The following PINK1 variants were observed in gnomAD, a reference collection of about 807,000 sequenced individuals.
PINK1 encodes PTEN induced kinase 1, also known as serine/threonine-protein kinase PINK1, mitochondrial.
A neutral mutation model predicts 56.0 loss-of-function variants in PINK1; 58 were observed. That is an observed-to-expected ratio of 1.04 (90% CI 0.84 to 1.29). The LOEUF (loss-of-function observed/expected upper bound fraction) is 1.29, where lower values mean the gene tolerates loss of function less well. PINK1 is among the 50% of genes most tolerant of loss of function. PINK1 has a pLI of 0.00. For synonymous variants in PINK1, 354 were observed against 339.3 expected, an observed-to-expected ratio of 1.04 and a Z score of -0.48; for missense variants, 745 against 777.9, an observed-to-expected ratio of 0.96 and a Z score of 0.50.
intron 3 of PINK1, among the ~76,000 whole-genome samples, chr1:20,643,730 G>A (rs752850701): frequency 1.3e-5 from 2 of 152,162 alleles, no homozygotes; most frequent in Admixed American, 6.5e-5. Flanking sequence ...TGCTAGACAC[G>A]ATTCTAGGTG....
In PINK1 at chr1:20,641,800, G is replaced by A. The variant is rs187928306; in HGVS notation, c.776+1808G>A. ...ACGCTGGCTTCATAGCTCCTTCCCC[G>A]AATGTGCCAGGCTTCTCTGTGACCA... On this transcript the variant is annotated intron_variant, in intron 3 of 7. Transcript: ENST00000321556. The surrounding 1 kb of genome is among the most constrained non-coding windows in gnomAD (Gnocchi z 4.0). Among the ~76,000 whole-genome samples, 7 of 152,148 alleles carry A rather than the reference G, an allele frequency of 4.6e-5. No individual in the cohort carries two copies. The highest frequency in any genetic ancestry group is 1.7e-4 in the African/African-American group (7 of 41,496).
At position 20,647,852 on chromosome 1, in the gene PINK1, C is replaced by T. The variant is rs573837039; in HGVS notation, c.1124-653C>T. On this transcript the variant is annotated intron_variant, in intron 5 of 7. Coordinates refer to ENST00000321556, the MANE Select transcript of PINK1 (RefSeq NM_032409.3). ...TTTTATTTTTTCTGAGACAGAGTCT[C>T]GCTGTGTTGCTCAGGCTGAAGTGAT... Among the ~76,000 whole-genome samples, 25 of 152,168 alleles carry T rather than the reference C, an allele frequency of 1.6e-4. 1 individual carries two copies. The South Asian group carries it at 4.8e-3, about 29-fold the overall frequency.
chr1:20,633,781 C>A lies in PINK1; in HGVS notation c.233C>A (p.Ala78Glu). Residue 78 changes from alanine to glutamate, a missense_variant, in exon 1 of 8, where the codon GCG (alanine) becomes GAG (glutamate). Physicochemically the swap from Ala to Glu is moderately radical, Grantham distance 107 (BLOSUM62 -1). Transcript: ENST00000321556. ...RFFRQSVAGL[A>E]ARLQRQFVVR... Reference sequence around the variant, plus strand: ...TTCCGCCAGTCGGTGGCCGGGCTGGCGGCGCGGTTGCAGCGGCAGTTCGTG... The same window carrying A: ...TTCCGCCAGTCGGTGGCCGGGCTGGAGGCGCGGTTGCAGCGGCAGTTCGTG... The A allele has an allele frequency of 6.4e-7, 1 of 1,568,176 alleles. No individual in the cohort carries two copies. Among genetic ancestry groups the A allele is most frequent in the Non-Finnish European group, 8.6e-7 (1 of 1,162,768 alleles).
At chr1:20,646,667 A>T (rs1473166828) in intron 5 of PINK1, among the ~76,000 whole-genome samples, 1 of 116,094 alleles carries the variant, frequency 8.6e-6, no homozygotes, top group African/African-American at 3.1e-5. Flanking sequence ...AATTAATTAA[A>T]TTTTTCAAAC....
At position 20,649,014 on chromosome 1, in the gene PINK1, G is replaced by A. The variant is rs772774256; in HGVS notation, c.1271G>A (p.Gly424Asp). 1.9e-6 allele frequency: 3 copies of A among 1,613,396 alleles called. No individual in the cohort carries two copies. Among genetic ancestry groups the A allele is most frequent in the Admixed American group, 3.3e-5 (2 of 60,012 alleles). The change falls in exon 7 of 8, where the codon GGC becomes GAC. Residue 424 changes from glycine to aspartate, a missense_variant. By Grantham distance (94) the Gly-to-Asp change is moderately conservative. Coordinates refer to ENST00000321556, the MANE Select transcript of PINK1 (RefSeq NM_032409.3). ...GAGCAGGTGTCCACGGCCCGTCCTG[G>A]CCCCAGGGCAGTGATTGACTACAGC... ...MAPEVSTARPGPRAVIDYSKA... is the reference protein window; with the variant it reads ...MAPEVSTARPDPRAVIDYSKA...
chr1:20,647,646 T>C (rs2053201644), intron 5 of PINK1, among the ~76,000 whole-genome samples: 1 of 151,510 alleles, frequency 6.6e-6, no homozygotes, highest in Admixed American at 6.6e-5. Context: ...GATTTTTGTA[T>C]TTTTAGTAGA....
At chr1:20,647,251 G>T (rs2053195253) in intron 5 of PINK1, among the ~76,000 whole-genome samples, 1 of 151,502 alleles carries the variant, frequency 6.6e-6, no homozygotes, top group African/African-American at 2.4e-5. Context: ...TACAGACGGG[G>T]TTTCACCATG....
rs1194847916 is a variant in PINK1 at position 20,650,816 on chromosome 1, A to G, written c.*125A>G. On this transcript the variant is annotated 3_prime_UTR_variant, in exon 8 of 8. Coordinates refer to ENST00000321556, the MANE Select transcript of PINK1 (RefSeq NM_032409.3). The stretch of plus-strand genomic sequence containing the variant: ...CGCAGAGAGGGCTGGTTAGCCGGAA[A>G]AGGCCTCGGGCTTGGCAAATGGAAG... 8 of 1,318,206 alleles carry G rather than the reference A, an allele frequency of 6.1e-6. No homozygotes were observed. The highest frequency in any genetic ancestry group is 2.5e-5 in the East Asian group (1 of 39,846). The allele number at this position is 1,318,206 out of a possible 1,614,324, so 81.7% of individuals were successfully genotyped here.
rs1449858096 is a variant in PINK1, at chr1:20,649,079, A to T, written c.1336A>T (p.Ile446Phe). 1 of 1,614,098 alleles carries T rather than the reference A, an allele frequency of 6.2e-7. No individual in the cohort carries two copies. Among genetic ancestry groups the T allele is most frequent in the Non-Finnish European group, 8.5e-7 (1 of 1,180,038 alleles). Residue 446 changes from isoleucine (I) to phenylalanine (F), a missense_variant, in exon 7 of 8, where the codon ATC becomes TTC. Transcript: ENST00000321556. ...AWAVGAIAYEIFGLVNPFYGQ... is the reference protein window; with the variant it reads ...AWAVGAIAYEFFGLVNPFYGQ... Reference sequence around the variant, plus strand: ...GGCAGTGGGAGCCATCGCCTATGAAATCTTCGGGCTTGTCAATCCCTTCTA... The same window carrying T: ...GGCAGTGGGAGCCATCGCCTATGAATTCTTCGGGCTTGTCAATCCCTTCTA...
Position 20,633,784 on chromosome 1 carries a change from C to A in PINK1, c.236C>A (p.Ala79Glu). The change falls in exon 1 of 8, where the codon GCG (alanine) becomes GAG (glutamate). Residue 79 changes from alanine to glutamate, a missense_variant. Ala to Glu is a moderately radical substitution (Grantham distance 107). Transcript: ENST00000321556. ...CGCCAGTCGGTGGCCGGGCTGGCGG[C>A]GCGGTTGCAGCGGCAGTTCGTGGTG... is the stretch of plus-strand genomic sequence containing the variant. ...FFRQSVAGLA[A>E]RLQRQFVVRA... 2 of 1,570,136 alleles carry A rather than the reference C, an allele frequency of 1.3e-6. No individual in the cohort carries two copies. Among genetic ancestry groups the A allele is most frequent in the South Asian group, 2.3e-5 (2 of 86,624 alleles).
chr1:20,645,150 G>C (rs2053162391), intron 4 of PINK1, among the ~76,000 whole-genome samples: 1 of 152,156 alleles, frequency 6.6e-6, no homozygotes, highest in South Asian at 2.1e-4. Flanking sequence ...GAATCAAAGT[G>C]CTCCTGGAAG....
In PINK1 at chr1:20,641,381, G is replaced by A. The variant is rs1312676407; in HGVS notation, c.776+1389G>A. On this transcript the variant is annotated intron_variant, in intron 3 of 7. Transcript: ENST00000321556. This position sits in a 1 kb window ranked among gnomAD's most constrained non-coding sequence, Gnocchi z 4.0. Reference sequence around the variant, plus strand: ...GCCGACGTGGTGCTGTCCTGCTGCCGGAGCACCATGATGTCTGCTGCTGAG... The same window carrying A: ...GCCGACGTGGTGCTGTCCTGCTGCCAGAGCACCATGATGTCTGCTGCTGAG... 2.0e-5 allele frequency among the ~76,000 whole-genome samples: 3 copies of A among 152,056 alleles called. No individual in the cohort carries two copies. Among genetic ancestry groups the A allele is most frequent in the African/African-American group, 7.3e-5 (3 of 41,372 alleles).
rs556540177 is a variant in PINK1, at chr1:20,648,601, G to A, written c.1220G>A (p.Arg407Gln). 44 of 1,614,052 alleles carry A rather than the reference G, an allele frequency of 2.7e-5. 1 individual carries two copies. The East Asian group carries it at 7.1e-4, about 26-fold the overall frequency. ...CCCTTCAGCAGCTGGTACGTGGATC[G>A]GGGCGGAAACGGCTGTCTGATGGCC... is the stretch of plus-strand genomic sequence containing the variant. ...QLPFSSWYVD[R>Q]GGNGCLMAPE... The change falls in exon 6 of 8, where the codon CGG becomes CAG. Residue 407 changes from arginine to glutamine, a missense_variant. Coordinates refer to ENST00000321556, the MANE Select transcript of PINK1 (RefSeq NM_032409.3).
intron 1 of PINK1, among the ~76,000 whole-genome samples, chr1:20,636,838 A>G (rs1018865031): frequency 6.6e-6 from 1 of 152,160 alleles, no homozygotes; most frequent in Non-Finnish European, 1.5e-5. Context: ...TACTATAGAA[A>G]CAGGGGCTGG....
intron 3 of PINK1, among the ~76,000 whole-genome samples, chr1:20,640,468 C>G (rs912973765): frequency 6.6e-6 from 1 of 152,090 alleles, no homozygotes; most frequent in East Asian, 1.9e-4. Flanking sequence ...GGTGTAAGTG[C>G]TAGAATCGAG....
In PINK1 at chr1:20,633,514, C is replaced by T. The variant is rs1189907667; in HGVS notation, c.-35C>T. ...CGGGGGACGCCGGTGGTGGCGGCAG[C>T]GGCGGCTGCGGGGGCACCGGGCCGC... On this transcript the variant is annotated 5_prime_UTR_variant, in exon 1 of 8. Coordinates refer to ENST00000321556, the MANE Select transcript of PINK1 (RefSeq NM_032409.3). 39 of 1,122,804 alleles carry T rather than the reference C, an allele frequency of 3.5e-5. 1 individual carries two copies. The highest frequency in any genetic ancestry group is 4.9e-5 in the Admixed American group (1 of 20,270). 69.6% of individuals were successfully genotyped at this position (1,122,804 alleles called of 1,614,324 possible).
intron 2 of PINK1, chr1:20,638,618 G>C: frequency 4.3e-6 from 1 of 230,728 alleles, no homozygotes; most frequent in Non-Finnish European, 8.4e-6. Flanking sequence ...CTCCAGCCTG[G>C]GTAACAGAGT....
intron 4 of PINK1, 180 bp from the exon 5 acceptor site, chr1:20,645,380 T>A (rs1412406346): frequency 1.6e-5 from 11 of 704,616 alleles, no homozygotes; most frequent in Non-Finnish European, 2.4e-5. Context: ...TCCCAGCTAC[T>A]CGGGAGGCTG....
At chr1:20,634,997 C>T (rs758260673) in intron 1 of PINK1, among the ~76,000 whole-genome samples, 1 of 152,118 alleles carries the variant, frequency 6.6e-6, no homozygotes, top group Admixed American at 6.5e-5. Context: ...GACATCTGGC[C>T]TAGTCCCCAG....
Sources: allele counts gnomAD v4.1 joint callset (sites outside exome capture counted in the v4.1 genomes callset), GRCh38; gene constraint gnomAD v4.1.1; non-coding constraint Gnocchi (gnomAD v3.1); transcripts MANE v1.5; gene names NCBI Gene and HGNC (gene_info 2026-07-23, HGNC 2026-07-21).